The following RAP1GAP2 variants were observed in gnomAD, a reference collection of about 807,000 sequenced individuals.
RAP1GAP2 encodes rap1 GTPase-activating protein 2.
In RAP1GAP2, 27 loss-of-function variants were observed where a neutral mutation model predicts 95.0. The observed-to-expected ratio is 0.28, with a 90% CI of 0.21 to 0.39. The LOEUF (loss-of-function observed/expected upper bound fraction) is 0.39. RAP1GAP2 is among the 10% of genes least tolerant of loss of function. The probability of loss-of-function intolerance (pLI) is 1.00; values close to 1 mark genes in which losing one functional copy is unlikely to be tolerated. For synonymous variants in RAP1GAP2, 373 were observed against 380.9 expected (o/e 0.98, Z 0.24); for missense variants, 771 against 970.0 (o/e 0.79, Z 2.72).
rs1221911871 is a variant in RAP1GAP2 at position 2,870,307 on chromosome 17, C to T, written c.81-34977C>T. 4.6e-5 allele frequency among the ~76,000 whole-genome samples: 7 copies of T among 151,812 alleles called. No homozygotes were observed. Among genetic ancestry groups the T allele is most frequent in the African/African-American group, 9.7e-5 (4 of 41,320 alleles). ...AATTTTTTTGTATTTTTAGTAAATACGGGGTTTTACTATGTTGGCCAGGCT... is the reference window on the plus strand; with the variant it reads ...AATTTTTTTGTATTTTTAGTAAATATGGGGTTTTACTATGTTGGCCAGGCT... On this transcript the variant is annotated intron_variant, in intron 2 of 24. Coordinates refer to ENST00000254695, the MANE Select transcript of RAP1GAP2 (RefSeq NM_015085.5). This position sits in a 1 kb window ranked among gnomAD's most constrained non-coding sequence, Gnocchi z 4.4.
intron 2 of RAP1GAP2, among the ~76,000 whole-genome samples, chr17:2,848,050 C>T (rs898509923): frequency 6.6e-6 from 1 of 152,118 alleles, no homozygotes; most frequent in African/African-American, 2.4e-5. Flanking sequence ...TTTATTCCTC[C>T]CTCTACCCAC....
chr17:2,808,708 G>A (rs900019277), intron 2 of RAP1GAP2, among the ~76,000 whole-genome samples: 98 of 152,238 alleles, frequency 6.4e-4, no homozygotes, highest in Non-Finnish European at 2.8e-4. Context: ...GGGTCGAGGA[G>A]AATGTGCCCA....
chr17:2,921,793 G>A (rs752473100), intron 3 of RAP1GAP2, among the ~76,000 whole-genome samples: 5 of 151,674 alleles, frequency 3.3e-5, no homozygotes, highest in Non-Finnish European at 7.4e-5. Context: ...CCAGAGGCTC[G>A]AGGGGAAGCT....
intron 1 of RAP1GAP2, among the ~76,000 whole-genome samples, chr17:2,782,522 T>C (rs1461417058): frequency 6.6e-6 from 1 of 152,162 alleles, no homozygotes; most frequent in Non-Finnish European, 1.5e-5. Context: ...CAGTTTCTGA[T>C]GGGGAGCAGA....
chr17:2,853,547 C>T (rs1391208716), intron 2 of RAP1GAP2, among the ~76,000 whole-genome samples: 1 of 150,162 alleles, frequency 6.7e-6, no homozygotes, highest in Non-Finnish European at 1.5e-5. Context: ...GGGAGGGCGC[C>T]TGGGAGCCGG....
rs958256628 is a variant in RAP1GAP2 at position 3,027,485 on chromosome 17, AG to A, written c.2107+420del. 6.6e-6 allele frequency among the ~76,000 whole-genome samples: 1 copy of A among 152,016 alleles called. No homozygotes were observed. Among genetic ancestry groups the A allele is most frequent in the Non-Finnish European group, 1.5e-5 (1 of 67,988 alleles). On this transcript the variant is annotated intron_variant, in intron 22 of 24. Transcript: ENST00000254695. This position sits in a 1 kb window ranked among gnomAD's most constrained non-coding sequence, Gnocchi z 5.2. ...TAATACAAGACGGGGGAAGGGCTGC[AG>A]GGGGAGGGAACAGCATGTGGAAAGG... is the stretch of plus-strand genomic sequence containing the variant.
At chr17:2,853,990 C>T (rs1436033352) in intron 2 of RAP1GAP2, 2 of 984,424 alleles carry the variant, frequency 2.0e-6, no homozygotes, top group African/African-American at 3.5e-5. Flanking sequence ...CGCGGGCGGC[C>T]TCGCCATGTC....
chr17:2,988,107 G>C (rs553613115), intron 11 of RAP1GAP2, among the ~76,000 whole-genome samples: 23 of 152,008 alleles, frequency 1.5e-4, no homozygotes, highest in Non-Finnish European at 2.8e-4. Context: ...CTACTTGGGA[G>C]TCTAAGGCAG....
At chr17:2,830,092 A>G (rs1444993367) in intron 2 of RAP1GAP2, among the ~76,000 whole-genome samples, 3 of 152,180 alleles carry the variant, frequency 2.0e-5, no homozygotes, top group Admixed American at 6.6e-5. Flanking sequence ...AATGTAAGTA[A>G]GAGTTTACTC....
chr17:2,926,427 T>A (rs2042956812), intron 3 of RAP1GAP2, among the ~76,000 whole-genome samples: 1 of 152,166 alleles, frequency 6.6e-6, no homozygotes, highest in South Asian at 2.1e-4. Flanking sequence ...TTCAAGGCAG[T>A]TACAACAATA....
At chr17:2,758,181 C>CCT (rs1555537910) in intron 1 of RAP1GAP2, among the ~76,000 whole-genome samples, 9,051 of 124,080 alleles carry the variant, frequency 0.073, 514 homozygotes, top group Non-Finnish European at 0.091. Context: ...GCCCCCCCCC[C>CCT]TTTTTTTTTT....
intron 12 of RAP1GAP2, among the ~76,000 whole-genome samples, chr17:2,994,887 C>T (rs1428356099): frequency 2.0e-5 from 3 of 152,210 alleles, no homozygotes; most frequent in Non-Finnish European, 1.5e-5. Flanking sequence ...CATCTCGGCT[C>T]ACTGCAACCT....
intron 17 of RAP1GAP2, among the ~76,000 whole-genome samples, chr17:3,011,199 A>G (rs113764808): frequency 0.039 from 5,881 of 152,248 alleles, 384 homozygotes; most frequent in African/African-American, 0.13. Context: ...AAGTGCTGGG[A>G]TTACAGGTGT....
chr17:2,792,467 A>G (rs1212026397), upstream of RAP1GAP2, among the ~76,000 whole-genome samples: 2 of 152,198 alleles, frequency 1.3e-5, no homozygotes, highest in African/African-American at 4.8e-5. Flanking sequence ...GGCCCCAAGG[A>G]AGGAGAGGAA....
chr17:2,812,707 C>T (rs918337452), intron 2 of RAP1GAP2, among the ~76,000 whole-genome samples: 10 of 151,982 alleles, frequency 6.6e-5, no homozygotes, highest in East Asian at 1.9e-4. Context: ...ATTCTGATGC[C>T]GGCTGGGCGC....
At chr17:2,993,268 T>TG (rs2045833420) in intron 12 of RAP1GAP2, among the ~76,000 whole-genome samples, 1 of 147,708 alleles carries the variant, frequency 6.8e-6, no homozygotes, top group Admixed American at 6.8e-5. Flanking sequence ...TAAAAGGTTT[T>TG]GGGGGGATTA....
chr17:2,919,624 TGGTCTGGGG>T (rs1195258531), intron 3 of RAP1GAP2, among the ~76,000 whole-genome samples: 5 of 152,152 alleles, frequency 3.3e-5, no homozygotes, highest in Non-Finnish European at 7.4e-5. Context: ...GGGTGGCCCA[TGGTCTGGGG>T]GGTCTGGGCT....
At position 2,797,209 on chromosome 17, in the gene RAP1GAP2, C is replaced by T. The variant is rs757909555; in HGVS notation, c.44+638C>T. 2.6e-5 allele frequency among the ~76,000 whole-genome samples: 4 copies of T among 152,188 alleles called. No individual in the cohort carries two copies. Among genetic ancestry groups the T allele is most frequent in the Admixed American group, 6.5e-5 (1 of 15,286 alleles). On this transcript the variant is annotated intron_variant, in intron 1 of 24. Coordinates refer to ENST00000254695, the MANE Select transcript of RAP1GAP2 (RefSeq NM_015085.5). This position sits in a 1 kb window ranked among gnomAD's most constrained non-coding sequence, Gnocchi z 5.6. The stretch of plus-strand genomic sequence containing the variant: ...TCTCCCACCTGCACCCCAGGCAGCC[C>T]ACCCTAGCTCTGTCCTAGCCTGAGC...
intron 5 of RAP1GAP2, 82 bp downstream of exon 5, chr17:2,962,796 T>G (rs1327206831): frequency 7.6e-7 from 1 of 1,313,862 alleles, no homozygotes; most frequent in African/African-American, 1.6e-5. Context: ...GCTGCCGGGA[T>G]GCTGGGGTCT....
Sources: allele counts gnomAD v4.1 joint callset (sites outside exome capture counted in the v4.1 genomes callset), GRCh38; gene constraint gnomAD v4.1.1; non-coding constraint Gnocchi (gnomAD v3.1); transcripts MANE v1.5; gene names NCBI Gene and HGNC (gene_info 2026-07-23, HGNC 2026-07-21).